The following SHISA9 variants were observed in gnomAD, a reference collection of about 807,000 sequenced individuals.
SHISA9 encodes the protein protein shisa-9.
A neutral mutation model predicts 38.0 loss-of-function variants in SHISA9; 13 were observed. That is an observed-to-expected ratio of 0.34 (90% confidence interval 0.22 to 0.54). The LOEUF (loss-of-function observed/expected upper bound fraction) is 0.54. Among genes scored for constraint, SHISA9 ranks in the 20% least tolerant of loss-of-function variants. The pLI is 0.91. For missense variants in SHISA9, 538 were observed against 575.8 expected (o/e 0.93, Z 0.67); for synonymous variants, 275 against 242.0 (o/e 1.14, Z -1.27).
chr16:13,125,608 A>G (rs2050249714), intron 2 of SHISA9, among the ~76,000 whole-genome samples: 1 of 152,256 alleles, frequency 6.6e-6, no homozygotes, highest in African/African-American at 2.4e-5. Flanking sequence ...ATCAACAATC[A>G]TGCAATGTAG....
intron 2 of SHISA9, among the ~76,000 whole-genome samples, chr16:12,992,549 A>G (rs2072401565): frequency 6.6e-6 from 1 of 151,928 alleles, no homozygotes; most frequent in African/African-American, 2.4e-5. Context: ...AAACAAAAAC[A>G]AAAACAAAAA....
chr16:13,000,611 G>C (rs1437609841), intron 2 of SHISA9, among the ~76,000 whole-genome samples: 3 of 152,166 alleles, frequency 2.0e-5, no homozygotes, highest in Admixed American at 1.3e-4. Context: ...TGTAGCAGGA[G>C]CATCCACATC....
chr16:13,050,528 C>T (rs987889231), intron 2 of SHISA9, among the ~76,000 whole-genome samples: 1 of 152,196 alleles, frequency 6.6e-6, no homozygotes, highest in Non-Finnish European at 1.5e-5. Context: ...GACAGGGTTT[C>T]ATCATGTTGC....
At chr16:13,550,466 C>G in the SHISA9 span, among the ~76,000 whole-genome samples, 2 of 152,194 alleles carry the variant, frequency 1.3e-5, no homozygotes, top group Admixed American at 6.5e-5. Context: ...ATTTTAAAAA[C>G]TGTCCAAGTG....
At chr16:12,967,044 C>T (rs1417982781) in intron 2 of SHISA9, among the ~76,000 whole-genome samples, 1 of 152,136 alleles carries the variant, frequency 6.6e-6, no homozygotes, top group East Asian at 1.9e-4. Context: ...TTGACCCAGC[C>T]ATCCCATTAC....
the SHISA9 span, among the ~76,000 whole-genome samples, chr16:13,454,469 C>T: frequency 6.6e-6 from 1 of 152,188 alleles, no homozygotes; most frequent in African/African-American, 2.4e-5. Context: ...TGAGTGCTTG[C>T]TACATGCCAG....
At chr16:13,407,220 A>G in the SHISA9 span, among the ~76,000 whole-genome samples, 11 of 152,240 alleles carry the variant, frequency 7.2e-5, no homozygotes, top group Non-Finnish European at 4.4e-5. Flanking sequence ...TCCTAGATCA[A>G]GGTGCAGGCA....
chr16:13,217,845 C>G (rs2051185548), intron 4 of SHISA9, among the ~76,000 whole-genome samples: 2 of 152,136 alleles, frequency 1.3e-5, no homozygotes, highest in African/African-American at 4.8e-5. Context: ...TCCTGGCTAA[C>G]ATGGAGAAAC....
chr16:13,255,154 T>C, the SHISA9 span, among the ~76,000 whole-genome samples: 4 of 152,178 alleles, frequency 2.6e-5, no homozygotes, highest in East Asian at 1.9e-4. Flanking sequence ...CTCTTCTCTC[T>C]CTTGCTATGG....
At chr16:13,086,961 C>A (rs935483792) in intron 2 of SHISA9, among the ~76,000 whole-genome samples, 2 of 148,764 alleles carry the variant, frequency 1.3e-5, no homozygotes, top group Non-Finnish European at 3.0e-5. Flanking sequence ...TATCCCTCCC[C>A]AAGCCCCCCA....
the SHISA9 span, among the ~76,000 whole-genome samples, chr16:13,415,225 G>T: frequency 6.6e-6 from 1 of 152,084 alleles, no homozygotes; most frequent in African/African-American, 2.4e-5. Flanking sequence ...AAGAAAATGT[G>T]GTACATATAC....
the SHISA9 span, among the ~76,000 whole-genome samples, chr16:13,557,872 C>T: frequency 6.6e-6 from 1 of 151,992 alleles, no homozygotes; most frequent in South Asian, 2.1e-4. Flanking sequence ...TCAGGCAGCT[C>T]CTCAAACATG....
intron 3 of SHISA9, among the ~76,000 whole-genome samples, chr16:13,210,649 A>T (rs889354184): frequency 1.3e-5 from 2 of 152,168 alleles, no homozygotes; most frequent in African/African-American, 4.8e-5. Flanking sequence ...GGCCTCTACT[A>T]GTTTAATTTC....
At chr16:13,292,553 C>T in the SHISA9 span, among the ~76,000 whole-genome samples, 1 of 152,088 alleles carries the variant, frequency 6.6e-6, no homozygotes, top group African/African-American at 2.4e-5. Context: ...ACTGATTTCT[C>T]TCTCTCTTCT....
chr16:13,161,463 A>G (rs965526650), intron 2 of SHISA9, among the ~76,000 whole-genome samples: 4 of 152,038 alleles, frequency 2.6e-5, no homozygotes, highest in Admixed American at 2.6e-4. Flanking sequence ...CCAGTTAATT[A>G]TACTCTTTCA....
chr16:13,270,371 A>G, the SHISA9 span, among the ~76,000 whole-genome samples: 3 of 152,188 alleles, frequency 2.0e-5, no homozygotes, highest in Admixed American at 6.5e-5. Context: ...GGAATTTTGA[A>G]AGGAGATCTT....
chr16:12,941,983 T>TGG (rs1459755747), intron 2 of SHISA9, among the ~76,000 whole-genome samples: 1 of 152,232 alleles, frequency 6.6e-6, no homozygotes, highest in Non-Finnish European at 1.5e-5. Flanking sequence ...TGGCGGGTTT[T>TGG]GTTTTTGTTT....
chr16:13,033,856 C>T (rs771210954), intron 2 of SHISA9, among the ~76,000 whole-genome samples: 13 of 152,196 alleles, frequency 8.5e-5, no homozygotes, highest in East Asian at 7.7e-4. Flanking sequence ...ATTAAGATAC[C>T]TCCATGTGGC....
intron 2 of SHISA9, among the ~76,000 whole-genome samples, chr16:13,061,265 T>TC (rs2073372259): frequency 6.6e-6 from 1 of 152,174 alleles, no homozygotes; most frequent in Admixed American, 6.5e-5. Context: ...TAAATACGCC[T>TC]CACACACGGC....
Sources: allele counts gnomAD v4.1 joint callset (sites outside exome capture counted in the v4.1 genomes callset), GRCh38; gene constraint gnomAD v4.1.1; transcripts MANE v1.5; gene names NCBI Gene and HGNC (gene_info 2026-07-23, HGNC 2026-07-21).